The following ATAD1 variants were observed in gnomAD, a reference collection of about 807,000 sequenced individuals.
ATAD1 encodes ATPase family AAA domain containing 1.
Under a neutral mutation model 42.7 loss-of-function variants are expected in ATAD1, and 18 were observed. That is an observed-to-expected ratio of 0.42 (90% CI 0.29 to 0.63). The LOEUF (loss-of-function observed/expected upper bound fraction) is 0.63, where lower values mean the gene tolerates loss of function less well. ATAD1 is among the 20% of genes least tolerant of loss of function. ATAD1 has a pLI of 0.19. For synonymous variants in ATAD1, 132 were observed against 143.1 expected (o/e 0.92, Z 0.55); for missense variants, 294 against 440.4 (o/e 0.67, Z 2.98).
chr10:87,792,802 A>G, intron 2 of ATAD1, 47 bp from the exon 3 acceptor site: 1 of 1,376,336 alleles, frequency 7.3e-7, no homozygotes, highest in South Asian at 1.2e-5. Context: ...ATATTTAGAT[A>G]CTGGCACTTC....
At chr10:87,832,399 A>G (rs1857849272) in intron 1 of ATAD1, 1 of 151,902 alleles carries the variant, frequency 6.6e-6, no homozygotes, top group African/African-American at 2.4e-5. Context: ...ATCTCAGAAA[A>G]AAAAAAAAAT....
chr10:87,755,422 A>C (rs1036935921), intron 9 of ATAD1, among the ~76,000 whole-genome samples: 1 of 152,154 alleles, frequency 6.6e-6, no homozygotes, highest in African/African-American at 2.4e-5. Flanking sequence ...GTCCATCCAG[A>C]TTTTTCATAC....
chr10:87,763,439 C>G (rs190786520), intron 8 of ATAD1, among the ~76,000 whole-genome samples: 6 of 152,200 alleles, frequency 3.9e-5, no homozygotes, highest in African/African-American at 1.4e-4. Flanking sequence ...CAGGAGGATA[C>G]CTCGAGGTCA....
At chr10:87,817,828 C>A (rs1449109367) in intron 1 of ATAD1, 1 of 985,374 alleles carries the variant, frequency 1.0e-6, no homozygotes, top group Non-Finnish European at 1.2e-6. Flanking sequence ...TCTAGGTTCG[C>A]CTGGTTCTGA....
intron 5 of ATAD1, among the ~76,000 whole-genome samples, chr10:87,777,662 T>G (rs900988933): frequency 2.6e-5 from 4 of 152,124 alleles, no homozygotes; most frequent in Admixed American, 6.5e-5. Context: ...AAATGTTTTG[T>G]CTTATATCCC....
intron 4 of ATAD1, among the ~76,000 whole-genome samples, chr10:87,787,396 G>T (rs751207549): frequency 2.6e-5 from 4 of 152,138 alleles, no homozygotes; most frequent in Non-Finnish European, 5.9e-5. Context: ...GAGGCAGGAG[G>T]ATAACGAGCC....
chr10:87,788,723 A>G (rs1429994446), intron 4 of ATAD1, among the ~76,000 whole-genome samples: 3 of 152,224 alleles, frequency 2.0e-5, no homozygotes, highest in East Asian at 1.9e-4. Context: ...TTACTTTCCT[A>G]AATTCACTAG....
intron 4 of ATAD1, among the ~76,000 whole-genome samples, chr10:87,787,821 T>C (rs1855909561): frequency 6.6e-6 from 1 of 152,148 alleles, no homozygotes; most frequent in Non-Finnish European, 1.5e-5. Context: ...GAGAAGAATA[T>C]GGGTCTTTAT....
intron 7 of ATAD1, among the ~76,000 whole-genome samples, chr10:87,770,557 C>T (rs1272010601): frequency 1.3e-5 from 2 of 152,074 alleles, no homozygotes; most frequent in Non-Finnish European, 2.9e-5. Flanking sequence ...CAAATAAATC[C>T]CTGTTGTTGT....
intron 2 of ATAD1, among the ~76,000 whole-genome samples, chr10:87,803,085 T>C (rs1856777586): frequency 6.6e-6 from 1 of 152,354 alleles, no homozygotes; most frequent in South Asian, 2.1e-4. Context: ...TACTGACATA[T>C]GGACTTCAGG....
rs1871056 is a variant in ATAD1 at position 87,830,587 on chromosome 10, G to T, written c.-14+10600C>A. On this transcript the variant is annotated intron_variant, in intron 1 of 4. Transcript: ENST00000495903. Reference sequence around the variant, plus strand: ...GGGAGAGTAGAGCAGTAAGGACATAGATTTATCTCTATTTGTGTTTTCATT... The same window carrying T: ...GGGAGAGTAGAGCAGTAAGGACATATATTTATCTCTATTTGTGTTTTCATT... Among the ~76,000 whole-genome samples the T allele has an allele frequency of 7.1e-3, 1,083 of 152,246 alleles. 3 individuals are homozygous for T. The highest frequency in any genetic ancestry group is 0.011 in the Admixed American group (173 of 15,292).
intron 8 of ATAD1, among the ~76,000 whole-genome samples, chr10:87,766,238 G>A (rs962962432): frequency 1.1e-4 from 16 of 152,174 alleles, no homozygotes; most frequent in African/African-American, 2.4e-4. Context: ...TAGCAATTCC[G>A]CTCCTGGATA....
At chr10:87,798,249 C>A (rs974939916) in intron 2 of ATAD1, among the ~76,000 whole-genome samples, 20 of 152,126 alleles carry the variant, frequency 1.3e-4, no homozygotes, top group Admixed American at 7.2e-4. Flanking sequence ...CACATAAAAA[C>A]CCTAGGCCAC....
intron 7 of ATAD1, among the ~76,000 whole-genome samples, chr10:87,770,454 T>C (rs1399523390): frequency 6.6e-6 from 1 of 152,172 alleles, no homozygotes; most frequent in Non-Finnish European, 1.5e-5. Context: ...TTTAACACCA[T>C]CTAAGCGTTT....
rs1272811506 is a variant in ATAD1, at chr10:87,754,539, A to G, written c.*148T>C. The stretch of plus-strand genomic sequence containing the variant: ...CAGTAATACCACCTATGTAACAACT[A>G]TATCTCAATAACTTAGAATTCAGAG... On this transcript the variant is annotated 3_prime_UTR_variant, in exon 10 of 10. Transcript: ENST00000680024. 23 of 943,556 alleles carry G rather than the reference A, an allele frequency of 2.4e-5. No individual in the cohort carries two copies. Among genetic ancestry groups the G allele is most frequent in the Non-Finnish European group, 2.8e-5 (19 of 675,938 alleles). The allele number at this position is 943,556 out of a possible 1,614,324, so 58.4% of individuals were successfully genotyped here.
chr10:87,815,938 G>T (rs762320004), intron 1 of ATAD1, among the ~76,000 whole-genome samples: 1 of 151,970 alleles, frequency 6.6e-6, no homozygotes, highest in African/African-American at 2.4e-5. Context: ...TCCCTTCAGC[G>T]TATCTGTCTA....
intron 3 of ATAD1, among the ~76,000 whole-genome samples, chr10:87,791,302 A>G (rs1856098406): frequency 6.6e-6 from 1 of 152,066 alleles, no homozygotes; most frequent in African/African-American, 2.4e-5. Flanking sequence ...GACAAGAAAA[A>G]CCTGATTCAA....
chr10:87,800,893 G>C (rs925558212), intron 2 of ATAD1, among the ~76,000 whole-genome samples: 3 of 152,128 alleles, frequency 2.0e-5, no homozygotes, highest in Non-Finnish European at 4.4e-5. Flanking sequence ...TGTGAAATTG[G>C]AAGGCCCAAT....
At chr10:87,778,608 A>G (rs558070308) in intron 5 of ATAD1, among the ~76,000 whole-genome samples, 24 of 152,306 alleles carry the variant, frequency 1.6e-4, no homozygotes, top group Middle Eastern at 3.4e-3. Flanking sequence ...TTTGACCACA[A>G]TCTGTTATAT....
Sources: gnomAD v4.1 joint callset for allele counts (sites outside exome capture counted in the v4.1 genomes callset) on GRCh38, gnomAD v4.1.1 for gene constraint, MANE v1.5 for transcripts, NCBI Gene and HGNC (gene_info 2026-07-23, HGNC 2026-07-21) for gene names.